Variants in MITD1 observed in about 807,000 individuals in gnomAD.
MITD1 encodes microtubule interacting and trafficking domain containing 1.
In MITD1, 24 loss-of-function variants were observed where a neutral mutation model predicts 34.9. The observed-to-expected ratio is 0.69, with a 90% CI of 0.50 to 0.97. The LOEUF is 0.97. Among genes scored for constraint, MITD1 ranks in the 50% least tolerant of loss-of-function variants. The probability of loss-of-function intolerance (pLI) is 0.00; values close to 1 mark genes in which losing one functional copy is unlikely to be tolerated. For synonymous variants in MITD1, 102 were observed against 101.4 expected (o/e 1.01, Z -0.04); for missense variants, 266 against 294.6 (o/e 0.90, Z 0.71).
At chr2:99,171,744 T>TA (rs1318469731) in intron 2 of MITD1, 98 bp from the exon 3 acceptor site, 112 of 1,170,748 alleles carry the variant, frequency 9.6e-5, no homozygotes, top group Non-Finnish European at 7.7e-5. Flanking sequence ...AGATACATAT[T>TA]AATTTTTTTA....
chr2:99,174,757 G>GTTTT (rs1282359936), intron 1 of MITD1, among the ~76,000 whole-genome samples: 5 of 152,028 alleles, frequency 3.3e-5, no homozygotes, highest in African/African-American at 4.8e-5. Context: ...TGCCTGGCTA[G>GTTTT]TTTTTGTATT....
At chr2:99,171,212 T>C (rs1276167685) in intron 4 of MITD1, 131 bp downstream of exon 4, 2 of 703,622 alleles carry the variant, frequency 2.8e-6, no homozygotes, top group East Asian at 5.0e-5. Context: ...TTATGCATAC[T>C]GTTAGATAAT....
intron 4 of MITD1, 45 bp downstream of exon 4, chr2:99,171,289 ATCTTGTAAC>A (rs2093856038): frequency 9.7e-6 from 13 of 1,344,844 alleles, no homozygotes; most frequent in Non-Finnish European, 1.3e-5. Flanking sequence ...ACTGGACTAC[ATCTTGTAAC>A]TGAATAAAGT....
chr2:99,169,393 C>T lies in MITD1; in HGVS notation c.732G>A (p.Lys244=), dbSNP rs1465654935. The part of the protein sequence containing the change: ...HETTVDIFHK[K]HTKNI ...CCACCCATCATATATTTTTTGTATGCTTCTTATGAAAAATGTCTACTGTTG... is the reference window on the plus strand; with the variant it reads ...CCACCCATCATATATTTTTTGTATGTTTCTTATGAAAAATGTCTACTGTTG... Residue 244 remains lysine, a synonymous_variant, in exon 7 of 7, where the codon AAG becomes AAA. Transcript: ENST00000289359. 1.3e-6 allele frequency: 2 copies of T among 1,527,600 alleles called. No individual in the cohort carries two copies. Among genetic ancestry groups the T allele is most frequent in the Admixed American group, 3.6e-5 (2 of 56,300 alleles). The allele number at this position is 1,527,600 out of a possible 1,614,324, so 94.6% of individuals were successfully genotyped here.
At chr2:99,162,349 A>C (rs1188670356) in intron 7 of MITD1, 1 of 1,613,742 alleles carries the variant, frequency 6.2e-7, no homozygotes, top group Non-Finnish European at 8.5e-7. Flanking sequence ...GAAAATCTGA[A>C]ATTAATTGTG....
chr2:99,165,763 C>T (rs7608938), downstream of MITD1, among the ~76,000 whole-genome samples: 77,294 of 151,956 alleles, frequency 0.51, 21,573 homozygotes, highest in Middle Eastern at 0.69. Flanking sequence ...GAAGCTCAGA[C>T]GTGGGCACAT....
rs200526274 is a variant in MITD1, at chr2:99,162,906, C to G, written c.*4-688G>C. ...AATTTGTAATATTGAAGCACCTGAT[C>G]ATTGGTTGCCATTGGAAATACGTGA... On this transcript the variant is annotated intron_variant, in intron 7 of 7. Coordinates refer to the MITD1 transcript ENST00000422537. 149 of 1,613,232 alleles carry G rather than the reference C, an allele frequency of 9.2e-5. No individual in the cohort carries two copies. The highest frequency in any genetic ancestry group is 1.2e-4 in the Non-Finnish European group (140 of 1,179,734).
chr2:99,176,802 C>G (rs1008973474), intron 1 of MITD1, among the ~76,000 whole-genome samples: 2 of 152,036 alleles, frequency 1.3e-5, no homozygotes, highest in African/African-American at 2.4e-5. Context: ...TGTTAAAACT[C>G]ATCTTGTTTA....
At chr2:99,175,001 C>G (rs757946733) in intron 1 of MITD1, among the ~76,000 whole-genome samples, 1 of 152,250 alleles carries the variant, frequency 6.6e-6, no homozygotes, top group Non-Finnish European at 1.5e-5. Context: ...GCTGGGATTA[C>G]AGGCGTGAGC....
chr2:99,162,187 A>G (rs1559170831), exon 8 of MITD1: 1 of 1,614,174 alleles, frequency 6.2e-7, no homozygotes, highest in Non-Finnish European at 8.5e-7. Flanking sequence ...ATTGGTAGGC[A>G]TCAAAATCCT....
intron 1 of MITD1, among the ~76,000 whole-genome samples, chr2:99,179,947 A>G (rs1310698843): frequency 1.3e-5 from 2 of 152,174 alleles, no homozygotes; most frequent in Non-Finnish European, 2.9e-5. Flanking sequence ...CACTTTAATT[A>G]TAAGAAGCTT....
downstream of MITD1, chr2:99,169,127 G>A (rs1404166856): frequency 3.7e-5 from 10 of 266,918 alleles, no homozygotes; most frequent in Non-Finnish European, 5.7e-5. Context: ...ACATGCTCCC[G>A]CAGCCAAGTA....
rs1219722047 is a variant in MITD1, at chr2:99,180,696, G to T, written c.151+135C>A. 26 of 771,574 alleles carry T rather than the reference G, an allele frequency of 3.4e-5. No homozygotes were observed. In the East Asian group the frequency reaches 6.0e-4, roughly 18 times the overall value. 47.8% of individuals were successfully genotyped at this position (771,574 alleles called of 1,614,324 possible). A position where few individuals can be genotyped will look rare whatever the true frequency, so the allele number is the denominator to read the frequency against. ...AAGAAAGCGGCCCAGTTGTCCTATAGAATATCCCACCTTCTGTATTTAACT... is the reference window on the plus strand; with the variant it reads ...AAGAAAGCGGCCCAGTTGTCCTATATAATATCCCACCTTCTGTATTTAACT... On this transcript the variant is annotated intron_variant, in intron 1 of 6. Coordinates refer to ENST00000289359, the MANE Select transcript of MITD1 (RefSeq NM_138798.3).
chr2:99,167,248 A>G (rs116154585), downstream of MITD1, among the ~76,000 whole-genome samples: 2,385 of 152,292 alleles, frequency 0.016, 51 homozygotes, highest in African/African-American at 0.053. Flanking sequence ...CATTTAATTT[A>G]TAAATTAAGT....
intron 5 of MITD1, among the ~76,000 whole-genome samples, chr2:99,170,215 A>G (rs1054246700): frequency 3.0e-4 from 46 of 152,342 alleles, no homozygotes; most frequent in African/African-American, 1.1e-3. Context: ...TCACTAGAAA[A>G]TAAATTATCC....
rs149411732 is a variant in MITD1, at chr2:99,162,510, G to A, written c.*4-292C>T. 18 of 1,614,174 alleles carry A rather than the reference G, an allele frequency of 1.1e-5. No individual in the cohort carries two copies. In the African/African-American group the frequency reaches 2.3e-4, roughly 20 times the overall value. On this transcript the variant is annotated intron_variant, in intron 7 of 7. Coordinates refer to the MITD1 transcript ENST00000422537. ...CCATTGCACTTTATTATGTAGTACTGATGGGACGTTCTTGTCTTCTTTGCT... is the reference window on the plus strand; with the variant it reads ...CCATTGCACTTTATTATGTAGTACTAATGGGACGTTCTTGTCTTCTTTGCT...
downstream of MITD1, among the ~76,000 whole-genome samples, chr2:99,167,220 GGTGTTACTCTCTTTT>G (rs2093831308): frequency 6.6e-6 from 1 of 151,922 alleles, no homozygotes; most frequent in Non-Finnish European, 1.5e-5. Context: ...CAAGTCTCCT[GGTGTTACTCTCTTTT>G]GTCATTTAAT....
rs1306716858 is a variant in MITD1 at position 99,171,591 on chromosome 2, A to G, written c.309T>C (p.Tyr103=). 3.1e-6 allele frequency: 5 copies of G among 1,613,278 alleles called. No individual in the cohort carries two copies. The highest frequency in any genetic ancestry group is 3.4e-6 in the Non-Finnish European group (4 of 1,179,528). The change falls in exon 3 of 7, where the codon TAT becomes TAC. Residue 103 remains tyrosine (Y), a synonymous_variant. Coordinates refer to ENST00000289359, the MANE Select transcript of MITD1 (RefSeq NM_138798.3). ...KIEENATGFS[Y]ESLFREYLNE... ...TAAGGTATTCGCGAAAAAGTGACTC[A>G]TAACTGAAACCTGTTGCATTCTCTT...
downstream of MITD1, among the ~76,000 whole-genome samples, chr2:99,165,919 C>T (rs969002203): frequency 3.3e-5 from 5 of 152,110 alleles, no homozygotes; most frequent in African/African-American, 1.2e-4. Flanking sequence ...GTGAGGCTAG[C>T]GTGATAGTTT....
Sources: allele counts gnomAD v4.1 joint callset (sites outside exome capture counted in the v4.1 genomes callset), GRCh38; gene constraint gnomAD v4.1.1; transcripts MANE v1.5; gene names NCBI Gene and HGNC (gene_info 2026-07-23, HGNC 2026-07-21).